Variants in EYS observed in about 807,000 individuals in gnomAD.
The protein encoded by EYS is protein eyes shut homolog.
EYS carries 250 observed loss-of-function variants against 282.1 expected under a neutral mutation model. That is an observed-to-expected ratio of 0.89 (90% CI 0.80 to 0.98). The LOEUF (loss-of-function observed/expected upper bound fraction) is 0.98, where lower values mean the gene tolerates loss of function less well. Ranked by LOEUF, EYS falls within the 50% of genes least tolerant of loss-of-function variation. The pLI is 0.00. For missense variants in EYS, 4,016 were observed against 3,709.0 expected, an observed-to-expected ratio of 1.08 and a Z score of -2.15; for synonymous variants, 1,355 against 1,282.9, an observed-to-expected ratio of 1.06 and a Z score of -1.20.
intron 5 of EYS, among the ~76,000 whole-genome samples, chr6:65,459,513 T>C (rs956330373): frequency 5.9e-5 from 9 of 152,126 alleles, no homozygotes; most frequent in African/African-American, 2.2e-4. Context: ...AATAAGAATG[T>C]ACATATAATG....
intron 2 of EYS, among the ~76,000 whole-genome samples, chr6:65,548,023 T>G (rs1768457270): frequency 6.6e-6 from 1 of 152,168 alleles, no homozygotes; most frequent in South Asian, 2.1e-4. Flanking sequence ...TAGATAAAAC[T>G]TAATCAAACT....
At chr6:65,581,131 T>C (rs1562270490) in intron 2 of EYS, among the ~76,000 whole-genome samples, 1 of 152,064 alleles carries the variant, frequency 6.6e-6, no homozygotes, top group Non-Finnish European at 1.5e-5. Context: ...AAAGAAACTG[T>C]AAATTGATGT....
intron 2 of EYS, among the ~76,000 whole-genome samples, chr6:65,512,267 C>T (rs565343420): frequency 1.4e-4 from 22 of 151,990 alleles, no homozygotes; most frequent in Non-Finnish European, 2.6e-4. Context: ...CCAAGGCAGG[C>T]GGTTCACGAG....
chr6:65,039,513 A>T (rs1467843623), intron 13 of EYS, among the ~76,000 whole-genome samples: 1 of 151,564 alleles, frequency 6.6e-6, no homozygotes, highest in African/African-American at 2.4e-5. Context: ...TTTTTAAAAA[A>T]AACTACTTGC....
At chr6:65,285,596 A>C (rs1173067301) in intron 12 of EYS, among the ~76,000 whole-genome samples, 1 of 152,010 alleles carries the variant, frequency 6.6e-6, no homozygotes, top group Non-Finnish European at 1.5e-5. Context: ...ACTTTCCTTC[A>C]GCAGCTTTTG....
intron 35 of EYS, among the ~76,000 whole-genome samples, chr6:63,917,849 A>G (rs1023357282): frequency 6.6e-6 from 1 of 152,192 alleles, no homozygotes; most frequent in African/African-American, 2.4e-5. Flanking sequence ...ACAAGGGAAA[A>G]TAGATTCTTC....
At chr6:65,363,707 AG>A (rs1264132776) in intron 8 of EYS, among the ~76,000 whole-genome samples, 1 of 151,970 alleles carries the variant, frequency 6.6e-6, no homozygotes, top group East Asian at 1.9e-4. Context: ...GCATTTATTT[AG>A]ATAACTTCAA....
intron 42 of EYS, among the ~76,000 whole-genome samples, chr6:63,726,277 T>C (rs1193046669): frequency 6.6e-6 from 1 of 152,198 alleles, no homozygotes; most frequent in Non-Finnish European, 1.5e-5. Context: ...TTGATGGTAT[T>C]GTTTTTAAGT....
chr6:64,339,089 A>T (rs1394085478), intron 29 of EYS, among the ~76,000 whole-genome samples: 1 of 152,052 alleles, frequency 6.6e-6, no homozygotes, highest in Non-Finnish European at 1.5e-5. Flanking sequence ...GAATTTCATG[A>T]CCAAGTACCC....
intron 26 of EYS, among the ~76,000 whole-genome samples, chr6:64,528,627 A>G (rs1473262238): frequency 1.3e-5 from 2 of 151,976 alleles, no homozygotes; most frequent in African/African-American, 4.8e-5. Context: ...CTTATTTAGT[A>G]CCAAGTGCTT....
chr6:63,878,724 G>T (rs922677970), intron 35 of EYS, among the ~76,000 whole-genome samples: 4 of 152,184 alleles, frequency 2.6e-5, no homozygotes, highest in Admixed American at 1.3e-4. Flanking sequence ...TTCAATCTCA[G>T]ACTGCTGTGC....
chr6:64,554,467 A>C (rs1765181449), intron 26 of EYS, among the ~76,000 whole-genome samples: 1 of 152,056 alleles, frequency 6.6e-6, no homozygotes, highest in Non-Finnish European at 1.5e-5. Flanking sequence ...CAAATTAGAT[A>C]ATTATTAATA....
intron 31 of EYS, among the ~76,000 whole-genome samples, chr6:64,225,703 G>A (rs1582451947): frequency 1.3e-5 from 2 of 152,214 alleles, no homozygotes; most frequent in Admixed American, 1.3e-4. Flanking sequence ...TTATAAGTAT[G>A]AGAATAGGGA....
intron 22 of EYS, among the ~76,000 whole-genome samples, chr6:64,735,805 T>C (rs960636562): frequency 1.3e-5 from 2 of 152,100 alleles, no homozygotes; most frequent in African/African-American, 4.8e-5. Flanking sequence ...TACTAATGTG[T>C]ATAATATAAT....
intron 30 of EYS, among the ~76,000 whole-genome samples, chr6:64,242,784 T>C (rs974352712): frequency 2.0e-5 from 3 of 149,646 alleles, no homozygotes; most frequent in African/African-American, 7.3e-5. Flanking sequence ...AACCTTAAAA[T>C]CTCACATTTT....
intron 5 of EYS, among the ~76,000 whole-genome samples, chr6:65,413,107 T>C (rs900494510): frequency 6.6e-6 from 1 of 152,156 alleles, no homozygotes; most frequent in African/African-American, 2.4e-5. Context: ...AGAAACACCA[T>C]ATTTGTTTAT....
At chr6:64,712,620 T>A (rs1181831894) in intron 22 of EYS, among the ~76,000 whole-genome samples, 1 of 152,216 alleles carries the variant, frequency 6.6e-6, no homozygotes, top group South Asian at 2.1e-4. Context: ...ATATTGTGTA[T>A]ATTTGTCAGA....
intron 35 of EYS, among the ~76,000 whole-genome samples, chr6:63,971,108 C>G (rs756274633): frequency 1.3e-5 from 2 of 152,180 alleles, no homozygotes; most frequent in Non-Finnish European, 2.9e-5. Flanking sequence ...CAAAAATCTA[C>G]AGTTAACCTC....
chr6:64,813,188 A>T (rs1198728281), intron 22 of EYS, among the ~76,000 whole-genome samples, 190 bp downstream of exon 22: 4 of 152,020 alleles, frequency 2.6e-5, no homozygotes, highest in Non-Finnish European at 4.4e-5. Context: ...AGTGATATGA[A>T]TATATGATAT....
Sources: allele counts gnomAD v4.1 joint callset (sites outside exome capture counted in the v4.1 genomes callset), GRCh38; gene constraint gnomAD v4.1.1; transcripts MANE v1.5; gene names NCBI Gene and HGNC (gene_info 2026-07-23, HGNC 2026-07-21).